IPCEF1: variants seen among roughly 807,000 people sequenced by gnomAD.
IPCEF1 encodes interactor protein for cytohesin exchange factors 1.
A neutral mutation model predicts 50.9 loss-of-function variants in IPCEF1; 31 were observed. The ratio of observed to expected loss-of-function variants is 0.61; its 90% CI spans 0.46 to 0.82. The LOEUF (loss-of-function observed/expected upper bound fraction) is 0.82, where lower values mean the gene tolerates loss of function less well. IPCEF1 is among the 40% of genes least tolerant of loss of function. The pLI is 0.00. For missense variants in IPCEF1, 458 were observed against 514.0 expected, an observed-to-expected ratio of 0.89 and a Z score of 1.05; for synonymous variants, 181 against 192.0, an observed-to-expected ratio of 0.94 and a Z score of 0.47.
chr6:154,334,295 G>A (rs988505050), intron 1 of IPCEF1, among the ~76,000 whole-genome samples: 1 of 152,172 alleles, frequency 6.6e-6, no homozygotes, highest in African/African-American at 2.4e-5. Context: ...TCTAGGCTGT[G>A]AACAGTTATC....
chr6:154,278,422 C>T (rs771124804), intron 2 of IPCEF1, among the ~76,000 whole-genome samples: 1 of 152,110 alleles, frequency 6.6e-6, no homozygotes, highest in Non-Finnish European at 1.5e-5. Context: ...AGGCTCCAGA[C>T]GTATGGATGC....
chr6:154,315,475 T>C (rs1783192541), intron 1 of IPCEF1, among the ~76,000 whole-genome samples: 1 of 152,178 alleles, frequency 6.6e-6, no homozygotes, highest in Non-Finnish European at 1.5e-5. Flanking sequence ...ATCCCCAGTA[T>C]GGAGTTCAGT....
At position 154,273,724 on chromosome 6, in the gene IPCEF1, C is replaced by CTTTTTTTTTTTTTTTTTTTTTT. The variant is rs71021036; in HGVS notation, c.-17-7782_-17-7761dup. Among the ~76,000 whole-genome samples the CTTTTTTTTTTTTTTTTTTTTTT allele has an allele frequency of 3.2e-5, 2 of 63,316 alleles. 1 individual carries two copies. The allele number at this position is 63,316 out of a possible 152,430, so 41.5% of individuals were successfully genotyped here. On this transcript the variant is annotated intron_variant, in intron 2 of 11. Coordinates refer to ENST00000367220, the MANE Select transcript of IPCEF1 (RefSeq NM_001130700.2). ...TCTTTTTTTCTTTCTTTCTTTCTTTCTTTTTTTTTTTTTTTTTTTTTTTTT... is the reference window on the plus strand; with the variant it reads ...TCTTTTTTTCTTTCTTTCTTTCTTTCTTTTTTTTTTTTTTTTTTTTTTTTTTTTTTTTTTTTTTTTTTTTTTT...
intron 1 of IPCEF1, among the ~76,000 whole-genome samples, chr6:154,337,444 A>C (rs1783810837): frequency 6.6e-6 from 1 of 152,204 alleles, no homozygotes; most frequent in African/African-American, 2.4e-5. Flanking sequence ...TCTTTGTCAC[A>C]CTTACTCAAA....
intron 10 of IPCEF1, among the ~76,000 whole-genome samples, chr6:154,196,039 C>T (rs1776597943): frequency 6.6e-6 from 1 of 152,084 alleles, no homozygotes; most frequent in African/African-American, 2.4e-5. Flanking sequence ...ATCCGCCTAC[C>T]TCGGCCTCAC....
intron 2 of IPCEF1, among the ~76,000 whole-genome samples, chr6:154,283,291 CAAAAAA>C (rs35691566): frequency 1.5e-5 from 1 of 66,370 alleles, no homozygotes; most frequent in African/African-American, 6.3e-5. Context: ...AACTCCATCT[CAAAAAA>C]AAAAAAAAAA....
chr6:154,253,783 T>G (rs1406664425), intron 3 of IPCEF1, among the ~76,000 whole-genome samples: 2 of 152,194 alleles, frequency 1.3e-5, no homozygotes, highest in Non-Finnish European at 2.9e-5. Context: ...TATGTTTTAG[T>G]CTCCTATCTC....
chr6:154,247,067 C>A (rs979448509), intron 4 of IPCEF1: 2 of 395,024 alleles, frequency 5.1e-6, no homozygotes, highest in Middle Eastern at 7.1e-4. Flanking sequence ...GAATAGTATT[C>A]ACCAAGAATA....
chr6:154,318,662 G>A (rs781087776), intron 1 of IPCEF1, among the ~76,000 whole-genome samples: 2 of 143,696 alleles, frequency 1.4e-5, no homozygotes, highest in Non-Finnish European at 3.0e-5. Context: ...GCAGTGAGCC[G>A]AGATCACACC....
chr6:154,255,533 A>G (rs932829676), intron 3 of IPCEF1, among the ~76,000 whole-genome samples: 3 of 152,126 alleles, frequency 2.0e-5, no homozygotes, highest in South Asian at 2.1e-4. Flanking sequence ...ATACTGCTCA[A>G]TCCTCTGAGT....
intron 3 of IPCEF1, among the ~76,000 whole-genome samples, chr6:154,263,608 A>G (rs6931806): frequency 0.91 from 65,868 of 72,388 alleles, 30,369 homozygotes; most frequent in East Asian, 1. Flanking sequence ...AATTTTTCTT[A>G]GTACAGAACA....
At chr6:154,260,781 C>T (rs1249961286) in intron 3 of IPCEF1, among the ~76,000 whole-genome samples, 6 of 151,892 alleles carry the variant, frequency 4.0e-5, no homozygotes, top group African/African-American at 1.4e-4. Context: ...GACCAGAGAA[C>T]TTTATAATCA....
intron 10 of IPCEF1, among the ~76,000 whole-genome samples, chr6:154,193,941 C>T (rs1261708253): frequency 6.9e-6 from 1 of 145,320 alleles, no homozygotes; most frequent in Non-Finnish European, 1.5e-5. Context: ...AAGGGATGTC[C>T]AACATAACAG....
chr6:154,308,903 C>T (rs2128679371), intron 1 of IPCEF1, among the ~76,000 whole-genome samples: 1 of 152,316 alleles, frequency 6.6e-6, no homozygotes, highest in South Asian at 2.1e-4. Context: ...TAAGGTGTGA[C>T]ATCTGCAACT....
intron 2 of IPCEF1, among the ~76,000 whole-genome samples, chr6:154,285,557 T>C (rs915612845): frequency 7.2e-5 from 11 of 152,186 alleles, no homozygotes; most frequent in Non-Finnish European, 1.5e-4. Context: ...CTCAATAATC[T>C]GAAAAACAGA....
At chr6:154,326,724 C>T (rs1783529451) in intron 1 of IPCEF1, among the ~76,000 whole-genome samples, 1 of 152,110 alleles carries the variant, frequency 6.6e-6, no homozygotes, top group Non-Finnish European at 1.5e-5. Context: ...TTTTAAAATT[C>T]ACATGGAACC....
intron 1 of IPCEF1, among the ~76,000 whole-genome samples, chr6:154,324,218 A>T (rs1209420642): frequency 1.3e-5 from 2 of 152,220 alleles, no homozygotes; most frequent in Non-Finnish European, 2.9e-5. Flanking sequence ...CACATCTAAT[A>T]AAGCTACATT....
At chr6:154,349,313 T>C (rs115763001) in intron 1 of IPCEF1, among the ~76,000 whole-genome samples, 7,221 of 151,894 alleles carry the variant, frequency 0.048, 352 homozygotes, top group African/African-American at 0.13. Context: ...TGCCTCCATC[T>C]CCTGAGTAGC....
intron 7 of IPCEF1, among the ~76,000 whole-genome samples, chr6:154,214,994 C>A (rs1489018765): frequency 6.6e-6 from 1 of 152,158 alleles, no homozygotes; most frequent in Non-Finnish European, 1.5e-5. Flanking sequence ...TTTTTAAAAG[C>A]TGGGACACAA....
Sources: gnomAD v4.1 joint callset for allele counts (sites outside exome capture counted in the v4.1 genomes callset) on GRCh38, gnomAD v4.1.1 for gene constraint, MANE v1.5 for transcripts, NCBI Gene and HGNC (gene_info 2026-07-23, HGNC 2026-07-21) for gene names.